SMC1B: variants seen among roughly 807,000 people sequenced by gnomAD.
SMC1B encodes structural maintenance of chromosomes 1B.
A neutral mutation model predicts 157.9 loss-of-function variants in SMC1B; 60 were observed. The ratio of observed to expected loss-of-function variants is 0.38; its 90% CI spans 0.31 to 0.47. The LOEUF is 0.47. SMC1B is among the 20% of genes least tolerant of loss of function. The probability of loss-of-function intolerance (pLI) is 0.99; values close to 1 mark genes in which losing one functional copy is unlikely to be tolerated. For missense variants in SMC1B, 1,165 were observed against 1,426.2 expected (o/e 0.82, Z 2.95); for synonymous variants, 445 against 483.0 (o/e 0.92, Z 1.03).
chr22:45,389,931 A>G (rs373596736), intron 9 of SMC1B, 34 bp from the exon 10 acceptor site: 1 of 1,542,948 alleles, frequency 6.5e-7, no homozygotes, highest in Non-Finnish European at 8.9e-7. Context: ...AGAAAAACAG[A>G]TATATTAGAG....
chr22:45,354,141 G>A lies in SMC1B; in HGVS notation c.3119-9C>T. 1 of 1,531,536 alleles carries A rather than the reference G, an allele frequency of 6.5e-7. No individual in the cohort carries two copies. Among genetic ancestry groups the A allele is most frequent in the Non-Finnish European group, 8.7e-7 (1 of 1,146,918 alleles). 94.9% of individuals were successfully genotyped at this position (1,531,536 alleles called of 1,614,324 possible). A position where few individuals can be genotyped will look rare whatever the true frequency, so the allele number is the denominator to read the frequency against. On this transcript the variant is annotated splice_polypyrimidine_tract_variant and intron_variant, in intron 20 of 24. Coordinates refer to ENST00000357450, the MANE Select transcript of SMC1B (RefSeq NM_148674.5). ...TCTGCTGGCCTCAAAAGCTAAGAGA[G>A]AATCAATGTTCTTTATTTTAGAGAC... is the stretch of plus-strand genomic sequence containing the variant.
At chr22:45,365,727 G>C (rs190535556) in intron 15 of SMC1B, among the ~76,000 whole-genome samples, 1 of 151,944 alleles carries the variant, frequency 6.6e-6, no homozygotes, top group Non-Finnish European at 1.5e-5. Context: ...AATAAAATTT[G>C]AGATTATTTT....
chr22:45,349,733 CTA>C lies in SMC1B; in HGVS notation c.3488_3489del (p.Ile1163ArgfsTer39). 2 of 1,611,842 alleles carry C rather than the reference CTA, an allele frequency of 1.2e-6. No homozygotes were observed. The highest frequency in any genetic ancestry group is 1.7e-6 in the Non-Finnish European group (2 of 1,178,872). ...EVDAALDNTN[I>X]GKVSSYIKEQ... ...AATGAAAAGCAGAAACTTACTTTGC[CTA>C]TGTTAGTATTGTCTAGGGCTGCATC... On this transcript the variant is annotated frameshift_variant, in exon 23 of 25. Transcript: ENST00000357450. LOFTEE classifies it high-confidence loss of function.
intron 19 of SMC1B, 63 bp from the exon 20 acceptor site, chr22:45,355,178 G>C: frequency 6.4e-7 from 1 of 1,562,386 alleles, no homozygotes; most frequent in Non-Finnish European, 8.8e-7. Context: ...GCAAGGTAGG[G>C]TGCGTGTGTG....
chr22:45,372,075 A>G, intron 13 of SMC1B, 80 bp downstream of exon 13: 1 of 1,212,998 alleles, frequency 8.2e-7, no homozygotes. Flanking sequence ...TGAAAATTAC[A>G]TGGAGCTATA....
At chr22:45,360,481 G>A (rs2086710761) in intron 17 of SMC1B, among the ~76,000 whole-genome samples, 1 of 152,098 alleles carries the variant, frequency 6.6e-6, no homozygotes, top group Admixed American at 6.5e-5. Flanking sequence ...AAGAAAGTAA[G>A]AACTATGTGT....
intron 12 of SMC1B, among the ~76,000 whole-genome samples, chr22:45,374,090 G>GTTTT (rs35971057): frequency 3.5e-5 from 3 of 85,502 alleles, no homozygotes; most frequent in African/African-American, 5.2e-5. Flanking sequence ...AACAAAGACG[G>GTTTT]TTTTTTTTTT....
In SMC1B at chr22:45,345,564, T is replaced by C; in HGVS notation, c.3501A>G (p.Ser1167=). The C allele has an allele frequency of 6.3e-7, 1 of 1,593,312 alleles. No homozygotes were observed. The highest frequency in any genetic ancestry group is 1.1e-5 in the South Asian group (1 of 90,632). ...CTTGAGTTTGCTCTTTGATGTAACT[T>C]GACACCTGGAAGAAATAAAAACACA... ...ALDNTNIGKV[S]SYIKEQTQDQ... Residue 1167 remains serine (S), a synonymous_variant, in exon 24 of 25, where the codon TCA becomes TCG. Transcript: ENST00000357450.
At position 45,383,505 on chromosome 22, in the gene SMC1B, G is replaced by A; in HGVS notation, c.2020C>T (p.Leu674=). The change falls in exon 12 of 25, where the codon CTA becomes TTA. Residue 674 remains leucine, a synonymous_variant. Coordinates refer to ENST00000357450, the MANE Select transcript of SMC1B (RefSeq NM_148674.5). Reference sequence around the variant, plus strand: ...ATTTTCTGGCTTCGTCTGTCTCTTAGATTCTTTAACTCTTTCTCATCCCAG... The same window carrying A: ...ATTTTCTGGCTTCGTCTGTCTCTTAAATTCTTTAACTCTTTCTCATCCCAG... ...RCWDEKELKN[L]RDRRSQKIQE... The A allele has an allele frequency of 6.2e-7, 1 of 1,607,890 alleles. No homozygotes were observed. Among genetic ancestry groups the A allele is most frequent in the Non-Finnish European group, 8.5e-7 (1 of 1,178,092 alleles).
intron 21 of SMC1B, among the ~76,000 whole-genome samples, chr22:45,353,278 G>T (rs1387053176): frequency 8.9e-4 from 62 of 69,970 alleles, no homozygotes; most frequent in African/African-American, 3.8e-3. Flanking sequence ...AAAAAAAAAA[G>T]AAAGAAAGAA....
At position 45,406,879 on chromosome 22, in the gene SMC1B, AT is replaced by A. The variant is rs202081360; in HGVS notation, c.299-15del. On this transcript the variant is annotated splice_polypyrimidine_tract_variant and intron_variant, in intron 2 of 24. Transcript: ENST00000357450. ...CTGAGCATCCCCCTAAAATAAAAAA[AT>A]AAACCCTGTTAAAAAATATATAAAT... 31,981 of 1,526,414 alleles carry A rather than the reference AT, an allele frequency of 0.021. 289 individuals carry two copies. The highest frequency in any genetic ancestry group is 0.04 in the Middle Eastern group (224 of 5,652). 94.6% of individuals were successfully genotyped at this position (1,526,414 alleles called of 1,614,324 possible).
chr22:45,399,849 T>G (rs764427278), intron 5 of SMC1B, among the ~76,000 whole-genome samples: 40 of 152,184 alleles, frequency 2.6e-4, no homozygotes, highest in Non-Finnish European at 5.3e-4. Context: ...CAAAGATGCT[T>G]TCCATGGGGG....
At chr22:45,409,578 A>G (rs1391221056) in intron 1 of SMC1B, among the ~76,000 whole-genome samples, 1 of 76,264 alleles carries the variant, frequency 1.3e-5, no homozygotes, top group African/African-American at 1.4e-4. Flanking sequence ...ATAAATAAAT[A>G]AATAAATAAA....
At position 45,394,693 on chromosome 22, in the gene SMC1B, CT is replaced by C; in HGVS notation, c.1328del (p.Lys443ArgfsTer7). The C allele has an allele frequency of 6.4e-7, 1 of 1,553,766 alleles. No homozygotes were observed. The highest frequency in any genetic ancestry group is 8.7e-7 in the Non-Finnish European group (1 of 1,145,874). Reference sequence around the variant, plus strand: ...TTTTTTACTCTACCTACATGCATGTCTTTGTATACTCCTCTAACTTCTCTAT... The same window carrying C: ...TTTTTTACTCTACCTACATGCATGTCTTGTATACTCCTCTAACTTCTCTAT... ...KRIEKLEEYT[K>X]TCMDCLKEKK... On this transcript the variant is annotated frameshift_variant, in exon 8 of 25. Transcript: ENST00000357450. LOFTEE classifies it high-confidence loss of function.
chr22:45,358,738 CT>C lies in SMC1B; in HGVS notation c.2919del (p.Ala974ProfsTer4). 6 of 1,613,082 alleles carry C rather than the reference CT, an allele frequency of 3.7e-6. No individual in the cohort carries two copies. Among genetic ancestry groups the C allele is most frequent in the Non-Finnish European group, 5.1e-6 (6 of 1,179,560 alleles). On this transcript the variant is annotated frameshift_variant, in exon 19 of 25. Transcript: ENST00000357450. LOFTEE classifies it high-confidence loss of function. ...QATIDIYEKE[E>X]AFEIDYSSLK... ...AGAGAGCTGTAGTCTATTTCAAAGGCTTCTTCTTTTTCATAGATATCAATTG... is the reference window on the plus strand; with the variant it reads ...AGAGAGCTGTAGTCTATTTCAAAGGCTCTTCTTTTTCATAGATATCAATTG...
intron 23 of SMC1B, among the ~76,000 whole-genome samples, 176 bp from the exon 24 acceptor site, chr22:45,345,745 G>A (rs767485898): frequency 6.6e-6 from 1 of 152,070 alleles, no homozygotes; most frequent in South Asian, 2.1e-4. Flanking sequence ...ATTCTAAAAT[G>A]AGATAAACTT....
intron 12 of SMC1B, among the ~76,000 whole-genome samples, chr22:45,381,042 C>T (rs1048031339): frequency 1.3e-5 from 2 of 151,786 alleles, no homozygotes; most frequent in South Asian, 2.1e-4. Context: ...GTGATCCACC[C>T]GCCTTGGCCT....
intron 1 of SMC1B, among the ~76,000 whole-genome samples, chr22:45,410,743 T>C (rs1393401959): frequency 6.6e-6 from 1 of 152,058 alleles, no homozygotes; most frequent in East Asian, 1.9e-4. Flanking sequence ...ATGCCAAAAC[T>C]AGGAAAGTAA....
At chr22:45,400,399 A>G (rs2087178703) in intron 5 of SMC1B, among the ~76,000 whole-genome samples, 1 of 152,236 alleles carries the variant, frequency 6.6e-6, no homozygotes, top group Non-Finnish European at 1.5e-5. Context: ...AGCCAACTCA[A>G]AGAGTTCTCA....
Sources: allele counts gnomAD v4.1 joint callset (sites outside exome capture counted in the v4.1 genomes callset), GRCh38; gene constraint gnomAD v4.1.1; transcripts MANE v1.5; gene names NCBI Gene and HGNC (gene_info 2026-07-23, HGNC 2026-07-21).